Variants in KIAA0513 observed in about 807,000 individuals in gnomAD.
KIAA0513 encodes the protein uncharacterized protein KIAA0513.
Under a neutral mutation model 56.5 loss-of-function variants are expected in KIAA0513, and 39 were observed. The observed-to-expected ratio is 0.69, with a 90% CI of 0.53 to 0.90. The LOEUF (loss-of-function observed/expected upper bound fraction) is 0.90. Among genes scored for constraint, KIAA0513 ranks in the 40% least tolerant of loss-of-function variants. KIAA0513 has a pLI of 0.00. For synonymous variants in KIAA0513, 268 were observed against 215.6 expected, an observed-to-expected ratio of 1.24 and a Z score of -2.13; for missense variants, 591 against 535.2, an observed-to-expected ratio of 1.10 and a Z score of -1.03.
At position 85,077,687 on chromosome 16, in the gene KIAA0513, G is replaced by A. The variant is rs2073678622; in HGVS notation, c.782+55G>A. The A allele has an allele frequency of 2.9e-6, 4 of 1,378,494 alleles. No individual in the cohort carries two copies. The African/African-American group carries it at 4.4e-5, about 15-fold the overall frequency. The allele number at this position is 1,378,494 out of a possible 1,614,324, so 85.4% of individuals were successfully genotyped here. On this transcript the variant is annotated intron_variant, in intron 6 of 12. Transcript: ENST00000683363. Reference sequence around the variant, plus strand: ...TGCAGGGGACTGGGGAGAGGCTGGTGTGGAGCTCGGACGGGGGCAGCAGGG... The same window carrying A: ...TGCAGGGGACTGGGGAGAGGCTGGTATGGAGCTCGGACGGGGGCAGCAGGG...
intron 7 of KIAA0513, 34 bp from the exon 8 acceptor site, chr16:85,078,891 G>C (rs2073699550): frequency 1.9e-6 from 3 of 1,613,482 alleles, no homozygotes; most frequent in African/African-American, 1.3e-5. Context: ...TGCGCAACCA[G>C]AGCTGCTTTC....
At position 85,086,753 on chromosome 16, in the gene KIAA0513, G is replaced by GGA. The variant is rs756814602; in HGVS notation, c.1091+33_1091+34dup. The GGA allele has an allele frequency of 5.1e-6, 8 of 1,577,590 alleles. No individual in the cohort carries two copies. In the Admixed American group the frequency reaches 5.3e-5, roughly 10 times the overall value. ...AGGGCCAGAGTGGGAAAGCGGGAGGGGAGAGGGGGGAGGGCCCACCCTGTG... is the reference window on the plus strand; with the variant it reads ...AGGGCCAGAGTGGGAAAGCGGGAGGGGAGAGAGGGGGGAGGGCCCACCCTGTG... On this transcript the variant is annotated intron_variant, in intron 11 of 12. Coordinates refer to ENST00000683363, the MANE Select transcript of KIAA0513 (RefSeq NM_001388359.1).
Position 85,090,295 on chromosome 16 carries a change from C to T in KIAA0513, c.*1970C>T, listed in dbSNP as rs2073855098. 6.6e-6 allele frequency: 1 copy of T among 152,228 alleles called. No individual in the cohort carries two copies. Among genetic ancestry groups the T allele is most frequent in the Non-Finnish European group, 1.5e-5 (1 of 68,040 alleles). 9.4% of individuals were successfully genotyped at this position (152,228 alleles called of 1,614,324 possible). ...CACTCAAGGGCTGACTGTCCAGGCGCTCCCTTCAGCCGCCTCGTCGTCAGC... is the reference window on the plus strand; with the variant it reads ...CACTCAAGGGCTGACTGTCCAGGCGTTCCCTTCAGCCGCCTCGTCGTCAGC... On this transcript the variant is annotated 3_prime_UTR_variant, in exon 13 of 13. Coordinates refer to ENST00000683363, the MANE Select transcript of KIAA0513 (RefSeq NM_001388359.1).
chr16:85,051,345 C>T (rs1325611475), intron 1 of KIAA0513, among the ~76,000 whole-genome samples: 4 of 152,164 alleles, frequency 2.6e-5, no homozygotes, highest in Non-Finnish European at 5.9e-5. Flanking sequence ...TAGGACCTAT[C>T]TTTGGATATA....
intron 1 of KIAA0513, among the ~76,000 whole-genome samples, chr16:85,040,198 T>TTAATATA (rs1246132988): frequency 2.0e-5 from 3 of 151,888 alleles, no homozygotes; most frequent in Admixed American, 6.6e-5. Flanking sequence ...TTGCTTGGAG[T>TTAATATA]TAATATAGAT....
chr16:85,063,098 C>G (rs2073428539), intron 1 of KIAA0513: 2 of 152,290 alleles, frequency 1.3e-5, no homozygotes, highest in Admixed American at 6.5e-5. Context: ...TCTGCTTCCT[C>G]TCACTCTGTG....
intron 1 of KIAA0513, among the ~76,000 whole-genome samples, chr16:85,055,625 T>C (rs569223388): frequency 6.6e-6 from 1 of 152,344 alleles, no homozygotes; most frequent in Non-Finnish European, 1.5e-5. Flanking sequence ...TTCTTGGTGC[T>C]TGCAGAGTGT....
intron 1 of KIAA0513, among the ~76,000 whole-genome samples, chr16:85,061,557 G>A (rs188183021): frequency 1.5e-4 from 23 of 152,176 alleles, no homozygotes; most frequent in African/African-American, 5.6e-4. Context: ...GGAGTTCTTG[G>A]GGACACGAAA....
intron 10 of KIAA0513, among the ~76,000 whole-genome samples, chr16:85,084,604 T>C (rs968192665): frequency 6.6e-6 from 1 of 152,162 alleles, no homozygotes; most frequent in Non-Finnish European, 1.5e-5. Flanking sequence ...TCATTTCGTA[T>C]TTTTAGTATA....
intron 1 of KIAA0513, among the ~76,000 whole-genome samples, chr16:85,049,351 C>G (rs1371276609): frequency 3.3e-5 from 5 of 152,214 alleles, no homozygotes; most frequent in African/African-American, 1.2e-4. Context: ...GAGCTGAGCA[C>G]CAAATCCAAA....
At chr16:85,068,494 G>A (rs1001020909) in intron 2 of KIAA0513, among the ~76,000 whole-genome samples, 10 of 151,906 alleles carry the variant, frequency 6.6e-5, no homozygotes, top group Non-Finnish European at 1.5e-4. Context: ...CACCACACCC[G>A]GCTAGTTTTT....
In KIAA0513 at chr16:85,067,110, C is replaced by T; in HGVS notation, c.39C>T (p.Asp13=). 6.2e-7 allele frequency: 1 copy of T among 1,609,380 alleles called. No homozygotes were observed. Among genetic ancestry groups the T allele is most frequent in the South Asian group, 1.1e-5 (1 of 90,596 alleles). ...AGGTCCCCGTGGGCTCGCTAATCGACTTTGGGCCTGAGGCACCCACCTCTT... is the reference window on the plus strand; with the variant it reads ...AGGTCCCCGTGGGCTCGCTAATCGATTTTGGGCCTGAGGCACCCACCTCTT... ...TPEVPVGSLI[D]FGPEAPTSSP... Residue 13 remains aspartate, a synonymous_variant, in exon 2 of 13, where the codon GAC becomes GAT. Transcript: ENST00000683363.
intron 12 of KIAA0513, 51 bp from the exon 13 acceptor site, chr16:85,088,225 T>A: frequency 6.4e-7 from 1 of 1,553,118 alleles, no homozygotes; most frequent in Admixed American, 1.7e-5. Context: ...AGGATATACC[T>A]GTCCCTGTCA....
chr16:85,050,611 C>T lies in KIAA0513; in HGVS notation c.-172-16289C>T, dbSNP rs148729313. Among the ~76,000 whole-genome samples, 282 of 152,298 alleles carry T rather than the reference C, an allele frequency of 1.9e-3. 2 individuals carry two copies. Among genetic ancestry groups the T allele is most frequent in the African/African-American group, 6.5e-3 (272 of 41,578 alleles). Reference sequence around the variant, plus strand: ...GATTACAGGCGTGAGCCGCCGTGCCCAGCCGAGCTGTTGATTTATAACCAT... The same window carrying T: ...GATTACAGGCGTGAGCCGCCGTGCCTAGCCGAGCTGTTGATTTATAACCAT... On this transcript the variant is annotated intron_variant, in intron 1 of 12. Transcript: ENST00000683363.
chr16:85,064,967 G>A (rs2073457685), intron 1 of KIAA0513, among the ~76,000 whole-genome samples: 1 of 152,216 alleles, frequency 6.6e-6, no homozygotes, highest in Non-Finnish European at 1.5e-5. Flanking sequence ...TAACAGGCGT[G>A]AGCCACCGCG....
chr16:85,077,730 C>T (rs2144069329), intron 6 of KIAA0513, 98 bp downstream of exon 6: 1 of 863,680 alleles, frequency 1.2e-6, no homozygotes, highest in Non-Finnish European at 1.8e-6. Context: ...GGGTGAGGCC[C>T]AGAGACTGTC....
intron 1 of KIAA0513, among the ~76,000 whole-genome samples, chr16:85,040,333 G>A (rs1194942384): frequency 8.5e-5 from 13 of 152,168 alleles, no homozygotes; most frequent in African/African-American, 2.4e-4. Flanking sequence ...ACCACAAGGA[G>A]TGACCCAGCC....
At chr16:85,061,467 G>C (rs12598193) in intron 1 of KIAA0513, among the ~76,000 whole-genome samples, 2 of 152,198 alleles carry the variant, frequency 1.3e-5, no homozygotes, top group South Asian at 4.1e-4. Flanking sequence ...AGACAATCCA[G>C]GTGCACATGC....
chr16:85,045,108 A>G (rs557683622), intron 1 of KIAA0513, among the ~76,000 whole-genome samples: 3 of 151,738 alleles, frequency 2.0e-5, no homozygotes, highest in East Asian at 3.9e-4. Flanking sequence ...ACAGAGCGAG[A>G]CTCCGTCTCT....
Sources: allele counts gnomAD v4.1 joint callset (sites outside exome capture counted in the v4.1 genomes callset), GRCh38; gene constraint gnomAD v4.1.1; transcripts MANE v1.5; gene names NCBI Gene and HGNC (gene_info 2026-07-23, HGNC 2026-07-21).